URGCP: variants seen among roughly 807,000 people sequenced by gnomAD.
URGCP encodes the protein up-regulator of cell proliferation.
A neutral mutation model predicts 24.6 loss-of-function variants in URGCP; 13 were observed. That is an observed-to-expected ratio of 0.53 (90% CI 0.34 to 0.84). The LOEUF (loss-of-function observed/expected upper bound fraction) is 0.84, where lower values mean the gene tolerates loss of function less well. URGCP is among the 40% of genes least tolerant of loss of function. The pLI is 0.01. For missense variants in URGCP, 899 were observed against 1,194.3 expected (o/e 0.75, Z 3.64); for synonymous variants, 444 against 487.2 (o/e 0.91, Z 1.17).
chr7:43,898,953 T>C (rs2095884352), intron 1 of URGCP, among the ~76,000 whole-genome samples: 1 of 148,406 alleles, frequency 6.7e-6, no homozygotes, highest in Non-Finnish European at 1.5e-5. Flanking sequence ...CTGGCCAACA[T>C]GGTGAAACTG....
chr7:43,878,896 G>C lies in URGCP; in HGVS notation c.567C>G (p.Ala189=), dbSNP rs755836000. ...GGAAACTGTCTGAGGAGAGCAGCAG[G>C]GCACAGAGAAGGTCTAAGGGGTTCA... ...TPVNPLDLLC[A]LLLSSDSFLQ... Residue 189 remains alanine (A), a synonymous_variant, in exon 6 of 6, where the codon GCC becomes GCG. Transcript: ENST00000453200. The surrounding 1 kb of genome is among the most constrained non-coding windows in gnomAD (Gnocchi z 5.6). 1 of 1,614,096 alleles carries C rather than the reference G, an allele frequency of 6.2e-7. No individual in the cohort carries two copies. The highest frequency in any genetic ancestry group is 1.3e-5 in the African/African-American group (1 of 74,916).
chr7:43,892,140 A>G (rs1585808788), intron 1 of URGCP, among the ~76,000 whole-genome samples: 1 of 151,526 alleles, frequency 6.6e-6, no homozygotes, highest in Non-Finnish European at 1.5e-5. Flanking sequence ...CTGGTCTCAA[A>G]CTCCTGGGCT....
chr7:43,902,051 G>C (rs998132442), intron 1 of URGCP, among the ~76,000 whole-genome samples: 3 of 151,690 alleles, frequency 2.0e-5, no homozygotes, highest in African/African-American at 7.3e-5. Context: ...CTGGGGAGGA[G>C]AGAGGAGCAG....
At chr7:43,917,012 G>A (rs2095916357) in intron 1 of URGCP, among the ~76,000 whole-genome samples, 1 of 152,052 alleles carries the variant, frequency 6.6e-6, no homozygotes, top group Non-Finnish European at 1.5e-5. Flanking sequence ...GGGTGATTGT[G>A]TCCCCATGCT....
chr7:43,887,637 C>T (rs928199036), intron 2 of URGCP, 152 bp from the exon 3 acceptor site: 1 of 1,474,286 alleles, frequency 6.8e-7, no homozygotes, highest in Admixed American at 2.6e-5. Flanking sequence ...TCTCTGGGAG[C>T]TGGTCCTGGG....
At chr7:43,907,310 C>A (rs907259274), upstream of URGCP, among the ~76,000 whole-genome samples, 3 of 152,066 alleles carry the variant, frequency 2.0e-5, no homozygotes, top group African/African-American at 4.8e-5. Context: ...ACAATGTAAA[C>A]CATTGTTGAT....
In URGCP at chr7:43,878,604, G is replaced by C. The variant is rs553335593; in HGVS notation, c.859C>G (p.His287Asp). The C allele has an allele frequency of 6.2e-7, 1 of 1,614,018 alleles. No homozygotes were observed. Among genetic ancestry groups the C allele is most frequent in the African/African-American group, 1.3e-5 (1 of 75,058 alleles). ...TGCCAGAAGCAGTCCCACTGCCTGT[G>C]GCCCGGGCTGAGGACGGCGTTGAGA... Reference protein sequence around the residue: ...QLLNAVLSPGHRQWDCFWHRD... With the variant: ...QLLNAVLSPGDRQWDCFWHRD... The change falls in exon 6 of 6, where the codon CAC (histidine) becomes GAC (aspartate). Residue 287 changes from histidine (H) to aspartate (D), a missense_variant. Coordinates refer to ENST00000453200, the MANE Select transcript of URGCP (RefSeq NM_001077663.3). The surrounding 1 kb of genome is among the most constrained non-coding windows in gnomAD (Gnocchi z 5.6).
At chr7:43,879,332 AGGAGAGCCCAGCAGGATG>A in intron 5 of URGCP, 72 bp from the exon 6 acceptor site, 5 of 1,505,380 alleles carry the variant, frequency 3.3e-6, no homozygotes, top group Middle Eastern at 2.5e-4. Context: ...GAGCTGGTGA[AGGAGAGCCCAGCAGGATG>A]GGGAGAGTGA....
chr7:43,923,796 G>A (rs1055462923), intron 1 of URGCP, among the ~76,000 whole-genome samples: 1 of 152,054 alleles, frequency 6.6e-6, no homozygotes, highest in African/African-American at 2.4e-5. Flanking sequence ...TTGTTTTCTA[G>A]TTGGTATTGC....
In URGCP at chr7:43,876,859, G is replaced by A. The variant is rs573563593; in HGVS notation, c.2604C>T (p.Cys868=). 3.8e-5 allele frequency: 61 copies of A among 1,614,044 alleles called. No individual in the cohort carries two copies. The East Asian group carries it at 5.6e-4, about 15-fold the overall frequency. The change falls in exon 6 of 6, where the codon TGC becomes TGT. Residue 868 remains cysteine (C), a synonymous_variant. Coordinates refer to ENST00000453200, the MANE Select transcript of URGCP (RefSeq NM_001077663.3). The stretch of plus-strand genomic sequence containing the variant: ...GCCAGATGTGCTGCTTCTCAGGGTC[G>A]CAGAAGGCCAGGCCTGCCAGTGCCC... ...GFRALAGLAF[C]DPEKQHIWHI...
intron 1 of URGCP, among the ~76,000 whole-genome samples, chr7:43,894,213 T>C (rs1472865071): frequency 6.6e-6 from 1 of 152,212 alleles, no homozygotes; most frequent in East Asian, 1.9e-4. Flanking sequence ...TTAACTGCAC[T>C]ATAGACCAAA....
At chr7:43,893,810 G>C (rs2132683649) in intron 1 of URGCP, among the ~76,000 whole-genome samples, 1 of 152,264 alleles carries the variant, frequency 6.6e-6, no homozygotes, top group African/African-American at 2.4e-5. Context: ...GACGGAGGTT[G>C]CACTAAGCTG....
At chr7:43,891,147 C>G (rs1418672865) in intron 1 of URGCP, among the ~76,000 whole-genome samples, 1 of 152,190 alleles carries the variant, frequency 6.6e-6, no homozygotes, top group Non-Finnish European at 1.5e-5. Context: ...ATGGCACTCC[C>G]TGGACAGTCC....
rs2095854576 is a variant in URGCP, at chr7:43,881,975, C to T, written c.113-18G>A. Reference sequence around the variant, plus strand: ...TTCCAAATCTAGAAGAAAAAAGAAACCAAATACATTTAGTTTCATCAGCAA... The same window carrying T: ...TTCCAAATCTAGAAGAAAAAAGAAATCAAATACATTTAGTTTCATCAGCAA... On this transcript the variant is annotated intron_variant, in intron 3 of 5. Transcript: ENST00000453200. 1 of 1,613,864 alleles carries T rather than the reference C, an allele frequency of 6.2e-7. No homozygotes were observed. The highest frequency in any genetic ancestry group is 1.3e-5 in the African/African-American group (1 of 74,890).
At chr7:43,906,501 G>C in intron 1 of URGCP, 61 bp downstream of exon 1, 1 of 1,168,500 alleles carries the variant, frequency 8.6e-7, no homozygotes, top group Non-Finnish European at 1.1e-6. Flanking sequence ...AGCCGCTCCG[G>C]GTCCCGCTCC....
chr7:43,878,853 A>G lies in URGCP; in HGVS notation c.610T>C (p.Leu204=), dbSNP rs2095849699. The change falls in exon 6 of 6, where the codon TTG becomes CTG. Residue 204 remains leucine (L), a synonymous_variant. Coordinates refer to ENST00000453200, the MANE Select transcript of URGCP (RefSeq NM_001077663.3). The surrounding 1 kb of genome is among the most constrained non-coding windows in gnomAD (Gnocchi z 5.6). ...SDSFLQQEIA[L]KMALCQFALP... ...GCAAACTGGCAGAGGGCCATTTTCA[A>G]CGCTATTTCTTGTTGCAGGAAACTG... 6.2e-7 allele frequency: 1 copy of G among 1,614,184 alleles called. No homozygotes were observed. Among genetic ancestry groups the G allele is most frequent in the Non-Finnish European group, 8.5e-7 (1 of 1,180,012 alleles).
chr7:43,879,280 C>T lies in URGCP; in HGVS notation c.203-20G>A. On this transcript the variant is annotated intron_variant, in intron 5 of 5. Transcript: ENST00000453200. ...TCTCCACTGTGGAAAGAAATGAAGA[C>T]ATAAGTGCTCACCCTGTGTTTCTGA... 6.3e-7 allele frequency: 1 copy of T among 1,584,318 alleles called. No homozygotes were observed. Among genetic ancestry groups the T allele is most frequent in the South Asian group, 1.2e-5 (1 of 86,914 alleles).
At chr7:43,904,632 G>A (rs987222660) in intron 1 of URGCP, among the ~76,000 whole-genome samples, 2 of 152,182 alleles carry the variant, frequency 1.3e-5, no homozygotes, top group Non-Finnish European at 2.9e-5. Context: ...GTCTGCCAGT[G>A]TACATAATAT....
chr7:43,926,512 G>C (rs367757969), upstream of URGCP: 1 of 1,523,560 alleles, frequency 6.6e-7, no homozygotes, highest in Non-Finnish European at 8.8e-7. Flanking sequence ...GGGCCGCCCG[G>C]GTCCCCGGCA....
Sources: gnomAD v4.1 joint callset for allele counts (sites outside exome capture counted in the v4.1 genomes callset) on GRCh38, gnomAD v4.1.1 for gene constraint, Gnocchi (gnomAD v3.1) non-coding constraint, MANE v1.5 for transcripts, NCBI Gene and HGNC (gene_info 2026-07-23, HGNC 2026-07-21) for gene names.